ENTPD1: variants seen among roughly 807,000 people sequenced by gnomAD.
The protein encoded by ENTPD1 is ectonucleoside triphosphate diphosphohydrolase 1, also known as ATP diphosphohydrolase.
Under a neutral mutation model 57.0 loss-of-function variants are expected in ENTPD1, and 33 were observed. That is an observed-to-expected ratio of 0.58 (90% confidence interval 0.44 to 0.77). The LOEUF is 0.77. Among genes scored for constraint, ENTPD1 ranks in the 30% least tolerant of loss-of-function variants. ENTPD1 has a pLI of 0.00. For missense variants in ENTPD1, 501 were observed against 603.4 expected, an observed-to-expected ratio of 0.83 and a Z score of 1.78; for synonymous variants, 202 against 218.8, an observed-to-expected ratio of 0.92 and a Z score of 0.68.
intron 7 of ENTPD1, among the ~76,000 whole-genome samples, chr10:95,854,913 A>G (rs1031992800): frequency 4.6e-5 from 7 of 152,284 alleles, no homozygotes; most frequent in African/African-American, 1.7e-4. Flanking sequence ...TATTCTGTTG[A>G]TTAGGGGTGG....
At chr10:95,858,111 C>T (rs374804755) in intron 7 of ENTPD1, among the ~76,000 whole-genome samples, 20 of 150,372 alleles carry the variant, frequency 1.3e-4, no homozygotes, top group African/African-American at 4.7e-4. Context: ...GAGCCGAGAT[C>T]GCGCCACTGC....
intron 1 of ENTPD1, among the ~76,000 whole-genome samples, chr10:95,732,822 G>A (rs1022174711): frequency 2.0e-5 from 3 of 152,156 alleles, no homozygotes; most frequent in Non-Finnish European, 4.4e-5. Context: ...TTTTCAAAAG[G>A]GGAGGGAGTG....
chr10:95,757,248 A>G (rs1486680721), intron 1 of ENTPD1, among the ~76,000 whole-genome samples: 1 of 152,256 alleles, frequency 6.6e-6, no homozygotes, highest in Non-Finnish European at 1.5e-5. Context: ...GTTGGGAGCT[A>G]TACCTAGCAT....
intron 1 of ENTPD1, among the ~76,000 whole-genome samples, chr10:95,744,617 TC>T (rs1318960786): frequency 9.4e-6 from 1 of 106,034 alleles, no homozygotes; most frequent in East Asian, 2.1e-4. Context: ...TAAGACTCTG[TC>T]TCAAAAAAAA....
chr10:95,694,285 A>G, the ENTPD1 span: 1 of 268,592 alleles, frequency 3.7e-6, no homozygotes, highest in Non-Finnish European at 7.2e-6. Flanking sequence ...GGCCGGAACT[A>G]GAATTGCAAA....
At chr10:95,706,640 C>T in the ENTPD1 span, among the ~76,000 whole-genome samples, 1 of 152,210 alleles carries the variant, frequency 6.6e-6, no homozygotes, top group Non-Finnish European at 1.5e-5. Context: ...AGCTTGTTGT[C>T]CCCTCATCTC....
chr10:95,808,498 C>A (rs768060548), intron 1 of ENTPD1, among the ~76,000 whole-genome samples: 1 of 152,234 alleles, frequency 6.6e-6, no homozygotes, highest in African/African-American at 2.4e-5. Flanking sequence ...AGGAATGATA[C>A]CAGGTCTTCA....
chr10:95,824,238 T>C (rs1346126785), intron 2 of ENTPD1, among the ~76,000 whole-genome samples: 1 of 152,268 alleles, frequency 6.6e-6, no homozygotes, highest in Non-Finnish European at 1.5e-5. Context: ...TATGCATGTA[T>C]GTACACATGG....
intron 1 of ENTPD1, among the ~76,000 whole-genome samples, chr10:95,785,696 C>T (rs2098176871): frequency 6.6e-6 from 1 of 152,142 alleles, no homozygotes. Context: ...GTCAATGTCT[C>T]CTAATAATTA....
At chr10:95,782,789 A>G (rs2098163018) in intron 1 of ENTPD1, among the ~76,000 whole-genome samples, 1 of 152,120 alleles carries the variant, frequency 6.6e-6, no homozygotes, top group Non-Finnish European at 1.5e-5. Context: ...TTTTGAATTG[A>G]TTCTCTAAAA....
chr10:95,755,859 G>C, upstream of ENTPD1: 5 of 1,513,422 alleles, frequency 3.3e-6, no homozygotes, highest in Non-Finnish European at 4.4e-6. Flanking sequence ...GGAGAAAAAG[G>C]GATTTCTATA....
At chr10:95,847,124 T>C (rs573744779) in intron 6 of ENTPD1, among the ~76,000 whole-genome samples, 2 of 152,324 alleles carry the variant, frequency 1.3e-5, no homozygotes, top group South Asian at 4.1e-4. Flanking sequence ...AGAGTTTCCT[T>C]GTGAATTTGC....
chr10:95,724,821 A>G (rs2139836493), intron 1 of ENTPD1, among the ~76,000 whole-genome samples: 2 of 152,320 alleles, frequency 1.3e-5, no homozygotes, highest in Middle Eastern at 6.8e-3. Context: ...GATTTAATAG[A>G]GTGAAAACAG....
At chr10:95,777,599 A>G (rs1216194779) in intron 1 of ENTPD1, among the ~76,000 whole-genome samples, 1 of 152,214 alleles carries the variant, frequency 6.6e-6, no homozygotes, top group Non-Finnish European at 1.5e-5. Flanking sequence ...CAGTTAGGCT[A>G]CATGGGGGTC....
At chr10:95,820,092 A>T (rs2098343877) in intron 1 of ENTPD1, among the ~76,000 whole-genome samples, 1 of 152,112 alleles carries the variant, frequency 6.6e-6, no homozygotes, top group African/African-American at 2.4e-5. Context: ...GTCAACCTGC[A>T]CCCCACCTCT....
At chr10:95,747,945 C>T (rs2098007817) in intron 1 of ENTPD1, among the ~76,000 whole-genome samples, 1 of 151,602 alleles carries the variant, frequency 6.6e-6, no homozygotes, top group African/African-American at 2.4e-5. Flanking sequence ...CATCTCGGCT[C>T]ACTGCAAGCT....
At chr10:95,787,995 C>T (rs75551639) in intron 1 of ENTPD1, among the ~76,000 whole-genome samples, 14 of 152,024 alleles carry the variant, frequency 9.2e-5, no homozygotes, top group Non-Finnish European at 1.3e-4. Context: ...ATCTACTTTT[C>T]GAAAAGTAGA....
chr10:95,866,359 A>G lies in ENTPD1; in HGVS notation c.1509A>G (p.Ser503=). The part of the protein sequence containing the change: ...IIGLLIFHKP[S]YFWKDMV Reference sequence around the variant, plus strand: ...GCTTGCTTATCTTTCACAAGCCTTCATATTTCTGGAAAGATATGGTATAGC... The same window carrying G: ...GCTTGCTTATCTTTCACAAGCCTTCGTATTTCTGGAAAGATATGGTATAGC... Residue 503 remains serine, a synonymous_variant, in exon 10 of 10, where the codon TCA becomes TCG. Transcript: ENST00000371205. The G allele has an allele frequency of 2.5e-6, 4 of 1,614,112 alleles. No homozygotes were observed. The highest frequency in any genetic ancestry group is 3.4e-6 in the Non-Finnish European group (4 of 1,180,006).
At chr10:95,802,821 T>A (rs772813889) in intron 1 of ENTPD1, among the ~76,000 whole-genome samples, 43 of 152,214 alleles carry the variant, frequency 2.8e-4, no homozygotes, top group Non-Finnish European at 4.3e-4. Flanking sequence ...TATTCCATGG[T>A]GTATATGTGC....
Sources: allele counts gnomAD v4.1 joint callset (sites outside exome capture counted in the v4.1 genomes callset), GRCh38; gene constraint gnomAD v4.1.1; transcripts MANE v1.5; gene names NCBI Gene and HGNC (gene_info 2026-07-23, HGNC 2026-07-21).